MAMLD1: variants seen among roughly 807,000 people sequenced by gnomAD.
The protein encoded by MAMLD1 is mastermind-like domain-containing protein 1.
MAMLD1 carries 14 observed loss-of-function variants against 45.0 expected under a neutral mutation model. That is an observed-to-expected ratio of 0.31 (90% CI 0.21 to 0.49). The LOEUF is 0.49. MAMLD1 is among the 20% of genes least tolerant of loss of function. The pLI, the probability that MAMLD1 is intolerant of heterozygous loss-of-function variation, is 0.99. For missense variants in MAMLD1, 543 were observed against 603.6 expected, an observed-to-expected ratio of 0.90 and a Z score of 1.05; for synonymous variants, 254 against 247.8, an observed-to-expected ratio of 1.02 and a Z score of -0.24.
chrX:150,429,168 G>A (rs2034824904), intron 1 of MAMLD1, among the ~76,000 whole-genome samples: 1 of 109,842 alleles, frequency 9.1e-6, no homozygotes, highest in Non-Finnish European at 1.9e-5. Context: ...CTTCATTTGG[G>A]TGCATTGTAT....
intron 5 of MAMLD1, among the ~76,000 whole-genome samples, chrX:150,477,507 C>T (rs1396900443): frequency 3.6e-5 from 4 of 111,398 alleles, no homozygotes; most frequent in Non-Finnish European, 7.6e-5. Flanking sequence ...CCCTTAGGGG[C>T]GTTAAGGAAG....
intron 1 of MAMLD1, among the ~76,000 whole-genome samples, chrX:150,364,910 C>T (rs1359831163): frequency 8.9e-6 from 1 of 112,235 alleles, no homozygotes; most frequent in African/African-American, 3.2e-5. Context: ...GGTGAGCCGG[C>T]GAGCGACATC....
intron 1 of MAMLD1, among the ~76,000 whole-genome samples, chrX:150,423,092 C>T (rs1557403624): frequency 1.8e-5 from 2 of 111,942 alleles, no homozygotes; most frequent in African/African-American, 6.5e-5. Flanking sequence ...TTCATTATTT[C>T]TCCTAGACCG....
chrX:150,424,877 T>C (rs1268462287), intron 1 of MAMLD1, among the ~76,000 whole-genome samples: 3 of 111,967 alleles, frequency 2.7e-5, no homozygotes, highest in Non-Finnish European at 5.6e-5. Context: ...CTGTACCCAT[T>C]AGTAGTCAGT....
chrX:150,475,303 A>C (rs1330429024), intron 5 of MAMLD1, among the ~76,000 whole-genome samples: 49 of 111,490 alleles, frequency 4.4e-4, no homozygotes, highest in Non-Finnish European at 3.4e-4. Context: ...TCCTGGGCTC[A>C]AGTGATCCTC....
intron 6 of MAMLD1, among the ~76,000 whole-genome samples, chrX:150,505,822 G>A (rs1184083435): frequency 1.8e-5 from 2 of 112,544 alleles, no homozygotes; most frequent in Non-Finnish European, 3.8e-5. Context: ...TAGTTTCTGA[G>A]GGACGACTAA....
At chrX:150,499,622 C>T (rs781803073) in intron 5 of MAMLD1, among the ~76,000 whole-genome samples, 193 of 111,384 alleles carry the variant, frequency 1.7e-3, no homozygotes, top group African/African-American at 6.2e-3. Flanking sequence ...CATGCATTTC[C>T]AAACCCAGGG....
At chrX:150,466,737 T>C (rs1043907088) in intron 3 of MAMLD1, among the ~76,000 whole-genome samples, 9 of 111,941 alleles carry the variant, frequency 8.0e-5, no homozygotes, top group African/African-American at 2.9e-4. Context: ...GGAAAAGGTG[T>C]GTGTATACGG....
chrX:150,485,040 T>C (rs1440334243), intron 5 of MAMLD1, among the ~76,000 whole-genome samples: 2 of 111,617 alleles, frequency 1.8e-5, no homozygotes, highest in African/African-American at 6.5e-5. Context: ...AGTAAGGCTC[T>C]GCTAAACTGA....
At chrX:150,370,829 C>A (rs963869773) in intron 1 of MAMLD1, among the ~76,000 whole-genome samples, 1 of 112,032 alleles carries the variant, frequency 8.9e-6, no homozygotes, top group African/African-American at 3.2e-5. Context: ...AAAATATTCC[C>A]CCCGGGGGAG....
intron 2 of MAMLD1, among the ~76,000 whole-genome samples, chrX:150,457,229 G>A (rs2035896468): frequency 8.9e-6 from 1 of 112,460 alleles, no homozygotes; most frequent in South Asian, 3.7e-4. Flanking sequence ...TACTAGCAAA[G>A]GGCATGGTAC....
intron 1 of MAMLD1, among the ~76,000 whole-genome samples, chrX:150,376,015 C>T (rs2032300710): frequency 9.0e-6 from 1 of 111,462 alleles, no homozygotes; most frequent in African/African-American, 3.3e-5. Context: ...GGGCCACCGA[C>T]ATGTGGTCTG....
At chrX:150,503,547 C>T (rs1378017341) in intron 6 of MAMLD1, 30 bp downstream of exon 6, 2 of 896,434 alleles carry the variant, frequency 2.2e-6, no homozygotes, top group Non-Finnish European at 3.2e-6. Flanking sequence ...GCCTCGCTTT[C>T]CTCATCTGTC....
intron 1 of MAMLD1, among the ~76,000 whole-genome samples, chrX:150,401,713 C>T (rs142631110): frequency 0.2 from 22,627 of 110,861 alleles, 1,830 homozygotes; most frequent in Middle Eastern, 0.27. Context: ...GTACTGGTAC[C>T]AAAACGGAGA....
intron 1 of MAMLD1, among the ~76,000 whole-genome samples, chrX:150,400,578 G>A (rs933272090): frequency 2.5e-4 from 28 of 111,943 alleles, no homozygotes; most frequent in East Asian, 8.4e-4. Context: ...CATTCAGTAC[G>A]ATATTGGCTG....
intron 1 of MAMLD1, among the ~76,000 whole-genome samples, chrX:150,408,383 T>C (rs782208351): frequency 7.0e-4 from 78 of 111,985 alleles, no homozygotes; most frequent in Non-Finnish European, 1.3e-3. Context: ...TTTTTTCATC[T>C]TTTTCTTGAT....
chrX:150,447,541 AG>A lies in MAMLD1; in HGVS notation c.96+1931del, dbSNP rs782186037. 6.0e-3 allele frequency among the ~76,000 whole-genome samples: 675 copies of A among 111,868 alleles called. 4 individuals carry two copies. The highest frequency in any genetic ancestry group is 0.021 in the African/African-American group (634 of 30,759). ...GTACGGTATCCCTGTAGCCTCAGAA[AG>A]GTACCCAGTGCTAATATGAAACTCT... On this transcript the variant is annotated intron_variant, in intron 2 of 7. Coordinates refer to ENST00000370401, the MANE Select transcript of MAMLD1 (RefSeq NM_005491.5).
chrX:150,471,971 T>C (rs1448385146), intron 4 of MAMLD1, among the ~76,000 whole-genome samples: 1 of 112,451 alleles, frequency 8.9e-6, no homozygotes, highest in Non-Finnish European at 1.9e-5. Flanking sequence ...CTGTGCTGGA[T>C]ACTCAGTCAG....
chrX:150,428,056 T>C (rs1349280772), intron 1 of MAMLD1, among the ~76,000 whole-genome samples: 1 of 110,474 alleles, frequency 9.1e-6, no homozygotes, highest in African/African-American at 3.3e-5. Context: ...TAAGGAGGGG[T>C]AAACCAGTGA....
Sources: allele counts gnomAD v4.1 joint callset (sites outside exome capture counted in the v4.1 genomes callset), GRCh38; gene constraint gnomAD v4.1.1; transcripts MANE v1.5; gene names NCBI Gene and HGNC (gene_info 2026-07-23, HGNC 2026-07-21).